EPHA3: variants seen among roughly 807,000 people sequenced by gnomAD.
The protein encoded by EPHA3 is EPH receptor A3, also known as ephrin type-A receptor 3.
Under a neutral mutation model 107.1 loss-of-function variants are expected in EPHA3, and 42 were observed. The ratio of observed to expected loss-of-function variants is 0.39; its 90% CI spans 0.31 to 0.51. EPHA3 has a LOEUF of 0.51. Among genes scored for constraint, EPHA3 ranks in the 20% least tolerant of loss-of-function variants. The pLI is 0.78. For synonymous variants in EPHA3, 461 were observed against 424.8 expected (o/e 1.09, Z -1.05); for missense variants, 1,183 against 1,211.2 (o/e 0.98, Z 0.35).
chr3:89,324,826 A>T (rs1707129911), intron 3 of EPHA3, among the ~76,000 whole-genome samples: 1 of 152,100 alleles, frequency 6.6e-6, no homozygotes, highest in South Asian at 2.1e-4. Context: ...CATAATACCC[A>T]CTTAATTTTT....
At chr3:89,255,667 A>G (rs773361490) in intron 3 of EPHA3, among the ~76,000 whole-genome samples, 14 of 152,064 alleles carry the variant, frequency 9.2e-5, no homozygotes, top group Non-Finnish European at 1.6e-4. Context: ...TTGGGAGGCC[A>G]AGGCAGGTGG....
chr3:89,132,241 C>T (rs1704221817), intron 2 of EPHA3, among the ~76,000 whole-genome samples: 1 of 152,168 alleles, frequency 6.6e-6, no homozygotes, highest in Admixed American at 6.5e-5. Flanking sequence ...CAGCATGGAA[C>T]CTTGATATCA....
At chr3:89,356,935 T>C (rs1404799964) in intron 5 of EPHA3, among the ~76,000 whole-genome samples, 1 of 148,976 alleles carries the variant, frequency 6.7e-6, no homozygotes, top group Non-Finnish European at 1.5e-5. Context: ...AAACCCTGTC[T>C]CTACTGAAAA....
chr3:89,352,237 C>T (rs1707842700), intron 5 of EPHA3, among the ~76,000 whole-genome samples: 2 of 151,258 alleles, frequency 1.3e-5, no homozygotes, highest in Non-Finnish European at 3.0e-5. Flanking sequence ...CTTCTTTTCC[C>T]CTTAGATAAA....
chr3:89,295,018 G>T (rs1488210639), intron 3 of EPHA3, among the ~76,000 whole-genome samples: 2 of 152,146 alleles, frequency 1.3e-5, no homozygotes, highest in Non-Finnish European at 2.9e-5. Flanking sequence ...TGGATTCAGA[G>T]AAGTGTTTAA....
chr3:89,459,623 G>A (rs1338544228), intron 15 of EPHA3, among the ~76,000 whole-genome samples: 1 of 151,948 alleles, frequency 6.6e-6, no homozygotes, highest in African/African-American at 2.4e-5. Context: ...CCTGGGTTCA[G>A]GCGATTCTCC....
In EPHA3 at chr3:89,107,805, C is replaced by T. The variant is rs746804156; in HGVS notation, c.57C>T (p.Phe19=). 151 of 1,614,054 alleles carry T rather than the reference C, an allele frequency of 9.4e-5. No homozygotes were observed. The highest frequency in any genetic ancestry group is 1.2e-4 in the Non-Finnish European group (146 of 1,180,046). Residue 19 remains phenylalanine (F), a synonymous_variant, in exon 1 of 17, where the codon TTC becomes TTT. Coordinates refer to ENST00000336596, the MANE Select transcript of EPHA3 (RefSeq NM_005233.6). ...TCAGCTGCTCTGTTCTCGACAGCTT[C>T]GGGGAACTGATTCCGCAGCCTTCCA... ...LLLSCSVLDS[F]GELIPQPSNE...
intron 6 of EPHA3, 107 bp downstream of exon 6, chr3:89,396,068 A>G (rs1385352191): frequency 7.1e-7 from 1 of 1,414,186 alleles, no homozygotes; most frequent in African/African-American, 1.4e-5. Flanking sequence ...ATGGTAGAGC[A>G]CTGTTTAGAA....
intron 11 of EPHA3, among the ~76,000 whole-genome samples, chr3:89,423,670 A>G (rs1382187045): frequency 1.3e-5 from 2 of 151,408 alleles, no homozygotes; most frequent in Admixed American, 6.6e-5. Flanking sequence ...ACTGCTCGAT[A>G]TATTAGAAAA....
At chr3:89,321,930 A>G (rs1707052617) in intron 3 of EPHA3, among the ~76,000 whole-genome samples, 1 of 152,092 alleles carries the variant, frequency 6.6e-6, no homozygotes, top group South Asian at 2.1e-4. Flanking sequence ...CATTACTTTA[A>G]TTCTATAATA....
At chr3:89,220,839 T>G (rs761817897) in intron 3 of EPHA3, among the ~76,000 whole-genome samples, 11 of 152,204 alleles carry the variant, frequency 7.2e-5, no homozygotes, top group Non-Finnish European at 1.5e-4. Flanking sequence ...CCTTTGACAA[T>G]TAGAGTGGCT....
At chr3:89,278,704 T>C (rs1357789134) in intron 3 of EPHA3, among the ~76,000 whole-genome samples, 4 of 152,224 alleles carry the variant, frequency 2.6e-5, no homozygotes, top group Non-Finnish European at 4.4e-5. Context: ...CAGATCTTGA[T>C]AAACCTGATT....
chr3:89,195,199 T>C (rs1705809775), intron 2 of EPHA3, among the ~76,000 whole-genome samples: 1 of 152,088 alleles, frequency 6.6e-6, no homozygotes, highest in African/African-American at 2.4e-5. Flanking sequence ...ATTCTACCCA[T>C]ATTAAACTTT....
At chr3:89,354,784 G>A (rs1707908712) in intron 5 of EPHA3, among the ~76,000 whole-genome samples, 1 of 151,090 alleles carries the variant, frequency 6.6e-6, no homozygotes, top group Non-Finnish European at 1.5e-5. Flanking sequence ...ATGGCTATAA[G>A]TGAATAAGTG....
chr3:89,315,359 A>G (rs543474162), intron 3 of EPHA3, among the ~76,000 whole-genome samples: 93 of 151,780 alleles, frequency 6.1e-4, no homozygotes, highest in Non-Finnish European at 1.1e-3. Context: ...AATCAACTAT[A>G]GTATGTGATG....
At chr3:89,108,990 G>T (rs73845978) in intron 1 of EPHA3, among the ~76,000 whole-genome samples, 5,218 of 152,158 alleles carry the variant, frequency 0.034, 270 homozygotes, top group African/African-American at 0.11. Context: ...CAATACTGTT[G>T]TATATGTACC....
chr3:89,217,452 A>G (rs1704247638), intron 3 of EPHA3, among the ~76,000 whole-genome samples: 1 of 152,080 alleles, frequency 6.6e-6, no homozygotes, highest in African/African-American at 2.4e-5. Flanking sequence ...TCATATTCTT[A>G]CCGCTATTTC....
rs1013587395 is a variant in EPHA3, at chr3:89,356,302, A to C, written c.1306+14212A>C. ...AGTGCTGCAATAAACATAGGTGTGC[A>C]TGTGTCTTTATAGCAGCATGATTTA... On this transcript the variant is annotated intron_variant, in intron 5 of 16. Coordinates refer to ENST00000336596, the MANE Select transcript of EPHA3 (RefSeq NM_005233.6). Among the ~76,000 whole-genome samples, 8 of 150,858 alleles carry C rather than the reference A, an allele frequency of 5.3e-5. No homozygotes were observed. In the South Asian group the frequency reaches 8.4e-4, roughly 16 times the overall value.
chr3:89,211,181 A>G (rs1704071474), intron 3 of EPHA3, among the ~76,000 whole-genome samples: 1 of 152,096 alleles, frequency 6.6e-6, no homozygotes, highest in Non-Finnish European at 1.5e-5. Flanking sequence ...GCTTGAATGC[A>G]TATTTGATAT....
Sources: allele counts gnomAD v4.1 joint callset (sites outside exome capture counted in the v4.1 genomes callset), GRCh38; gene constraint gnomAD v4.1.1; transcripts MANE v1.5; gene names NCBI Gene and HGNC (gene_info 2026-07-23, HGNC 2026-07-21).